PCDHGA3: variants seen among roughly 807,000 people sequenced by gnomAD.
PCDHGA3 encodes protocadherin gamma subfamily A, 3, also known as protocadherin gamma-A3.
PCDHGA3 carries 40 observed loss-of-function variants against 58.5 expected under a neutral mutation model. The observed-to-expected ratio is 0.68, with a 90% confidence interval of 0.53 to 0.89. The LOEUF (loss-of-function observed/expected upper bound fraction) is 0.89, where lower values mean the gene tolerates loss of function less well. PCDHGA3 is among the 40% of genes least tolerant of loss of function. The pLI is 0.00. For missense variants in PCDHGA3, 1,223 were observed against 1,195.9 expected, an observed-to-expected ratio of 1.02 and a Z score of -0.33; for synonymous variants, 530 against 525.7, an observed-to-expected ratio of 1.01 and a Z score of -0.11.
intron 1 of PCDHGA3, chr5:141,376,742 A>C (rs1191231453): frequency 2.1e-6 from 1 of 487,580 alleles, no homozygotes; most frequent in Non-Finnish European, 3.5e-6. Flanking sequence ...TGCGGACTGC[A>C]GTGGCGCAAT....
At position 141,431,427 on chromosome 5, in the gene PCDHGA3, C is replaced by G. The variant is rs1269666597; in HGVS notation, c.2425-63380C>G. The stretch of plus-strand genomic sequence containing the variant: ...TCCGACGGGGGCGACCCGGTGCGCA[C>G]AGGCACCGCGCGCATCCGCGTGATG... On this transcript the variant is annotated intron_variant, in intron 1 of 3. Transcript: ENST00000253812. The surrounding 1 kb of genome is among the most constrained non-coding windows in gnomAD (Gnocchi z 4.8). 1.2e-6 allele frequency: 2 copies of G among 1,613,584 alleles called. No homozygotes were observed.
At chr5:141,409,011 A>T in intron 1 of PCDHGA3, 1 of 1,613,974 alleles carries the variant, frequency 6.2e-7, no homozygotes, top group Non-Finnish European at 8.5e-7. Context: ...ACTGACCAGG[A>T]TGAGGGGGTC....
At position 141,368,171 on chromosome 5, in the gene PCDHGA3, A is replaced by T. The variant is rs143914194; in HGVS notation, c.2424+21714A>T. ...TTTAAAACCTTGAGCATCAGCTTCAAATAATGACTAAATAAGGGGAAAAGG... is the reference window on the plus strand; with the variant it reads ...TTTAAAACCTTGAGCATCAGCTTCATATAATGACTAAATAAGGGGAAAAGG... On this transcript the variant is annotated intron_variant, in intron 1 of 3. Coordinates refer to ENST00000253812, the MANE Select transcript of PCDHGA3 (RefSeq NM_018916.4). Among the ~76,000 whole-genome samples the T allele has an allele frequency of 3.1e-4, 47 of 152,352 alleles. No homozygotes were observed. In the East Asian group the frequency reaches 8.3e-3, roughly 27 times the overall value.
intron 1 of PCDHGA3, chr5:141,414,552 C>G: frequency 6.2e-7 from 1 of 1,613,984 alleles, no homozygotes; most frequent in Non-Finnish European, 8.5e-7. Context: ...TCTCTCAAGT[C>G]TCCTACTTTA....
chr5:141,465,836 A>G (rs974075792), intron 1 of PCDHGA3, among the ~76,000 whole-genome samples: 1 of 151,774 alleles, frequency 6.6e-6, no homozygotes, highest in East Asian at 1.9e-4. Context: ...TAAAATTTCA[A>G]CTGAGGCTGG....
At chr5:141,366,360 G>C in intron 1 of PCDHGA3, 4 of 1,614,024 alleles carry the variant, frequency 2.5e-6, no homozygotes, top group Non-Finnish European at 3.4e-6. Flanking sequence ...GACCTAGGCA[G>C]TATCAAGACC....
At chr5:141,405,567 G>A in intron 1 of PCDHGA3, 2 of 608,222 alleles carry the variant, frequency 3.3e-6, no homozygotes, top group Non-Finnish European at 5.8e-6. Context: ...TGGGACTAGA[G>A]TAGAGTAGCT....
At chr5:141,473,682 G>A (rs2099326903) in intron 1 of PCDHGA3, among the ~76,000 whole-genome samples, 1 of 152,186 alleles carries the variant, frequency 6.6e-6, no homozygotes, top group Admixed American at 6.5e-5. Context: ...GGGAAGGGCT[G>A]GGGTTCTGAC....
At chr5:141,379,815 T>C (rs1489145506) in intron 1 of PCDHGA3, among the ~76,000 whole-genome samples, 2 of 150,388 alleles carry the variant, frequency 1.3e-5, no homozygotes, top group South Asian at 2.1e-4. Context: ...GAGTTCAGTA[T>C]AGAATTTTGA....
At chr5:141,510,321 CA>C (rs1376271166) in intron 3 of PCDHGA3, among the ~76,000 whole-genome samples, 1 of 150,840 alleles carries the variant, frequency 6.6e-6, no homozygotes, top group Non-Finnish European at 1.5e-5. Context: ...CTTGGAAGAG[CA>C]CTCTTCACCC....
Position 141,384,817 on chromosome 5 carries a change from C to T in PCDHGA3, c.2424+38360C>T, listed in dbSNP as rs373370095. On this transcript the variant is annotated intron_variant, in intron 1 of 3. Coordinates refer to ENST00000253812, the MANE Select transcript of PCDHGA3 (RefSeq NM_018916.4). Reference sequence around the variant, plus strand: ...CCTGCTGGACAGAGATGCCCTCAAGCAGAGCCTCGTGGTGGCCGTCCAGGA... The same window carrying T: ...CCTGCTGGACAGAGATGCCCTCAAGTAGAGCCTCGTGGTGGCCGTCCAGGA... 4.3e-6 allele frequency: 7 copies of T among 1,613,298 alleles called. No homozygotes were observed. In the African/African-American group the frequency reaches 5.3e-5, roughly 12 times the overall value.
At position 141,512,903 on chromosome 5, in the gene PCDHGA3, CAA is replaced by C. The variant is rs2099884494; in HGVS notation, c.*1731_*1732del. The C allele has an allele frequency of 6.6e-6, 1 of 152,224 alleles. No individual in the cohort carries two copies. Among genetic ancestry groups the C allele is most frequent in the African/African-American group, 2.4e-5 (1 of 41,452 alleles). 9.4% of individuals were successfully genotyped at this position (152,224 alleles called of 1,614,324 possible). On this transcript the variant is annotated 3_prime_UTR_variant, in exon 4 of 4. Transcript: ENST00000253812. ...CCCCACCCTCTTCCTGTGTCTCACG[CAA>C]GTTTTATACTCTAATATTTATATGG...
rs755706235 is a variant in PCDHGA3 at position 141,476,450 on chromosome 5, G to A, written c.2425-18357G>A. ...TTGCACTGTAACTCTGGAGTTGGTA[G>A]TGGAGAACCCGCTGGAGCTGTTCAG... On this transcript the variant is annotated intron_variant, in intron 1 of 3. Transcript: ENST00000253812. The surrounding 1 kb of genome is among the most constrained non-coding windows in gnomAD (Gnocchi z 7.6). The A allele has an allele frequency of 6.2e-7, 1 of 1,614,180 alleles. No individual in the cohort carries two copies. The highest frequency in any genetic ancestry group is 8.5e-7 in the Non-Finnish European group (1 of 1,180,040).
At chr5:141,418,310 G>C (rs778649723) in intron 1 of PCDHGA3, 2 of 1,613,990 alleles carry the variant, frequency 1.2e-6, no homozygotes, top group Non-Finnish European at 1.7e-6. Context: ...CCTGGGGATG[G>C]GAACAATTCT....
At chr5:141,374,716 C>A (rs752741869) in intron 1 of PCDHGA3, 3 of 1,609,798 alleles carry the variant, frequency 1.9e-6, no homozygotes, top group African/African-American at 1.3e-5. Context: ...ACCGCCTGGT[C>A]CTTACTGCCA....
Position 141,431,547 on chromosome 5 carries a change from T to C in PCDHGA3, c.2425-63260T>C. On this transcript the variant is annotated intron_variant, in intron 1 of 3. Transcript: ENST00000253812. The surrounding 1 kb of genome is among the most constrained non-coding windows in gnomAD (Gnocchi z 4.8). ...CTGGCCTTGGGCACGCAGCTGCTTG[T>C]AGTCAACGCTACCGACCCTGACGAA... The C allele has an allele frequency of 1.2e-6, 2 of 1,614,096 alleles. No homozygotes were observed. The highest frequency in any genetic ancestry group is 2.2e-5 in the East Asian group (1 of 44,882).
intron 1 of PCDHGA3, chr5:141,364,177 C>T (rs1432921471): frequency 3.5e-6 from 3 of 848,492 alleles, no homozygotes; most frequent in East Asian, 3.0e-5. Context: ...GACTCTGCTC[C>T]CTCCATACTA....
chr5:141,360,603 A>G, intron 1 of PCDHGA3: 1 of 1,614,056 alleles, frequency 6.2e-7, no homozygotes, highest in Non-Finnish European at 8.5e-7. Flanking sequence ...CACTTGACCC[A>G]GCCCTGGATT....
chr5:141,437,307 G>A (rs1172152732), intron 1 of PCDHGA3, among the ~76,000 whole-genome samples: 7 of 152,120 alleles, frequency 4.6e-5, no homozygotes, highest in South Asian at 2.1e-4. Context: ...AAGTTAAAGC[G>A]TTCAGCTATA....
Sources: gnomAD v4.1 joint callset for allele counts (sites outside exome capture counted in the v4.1 genomes callset) on GRCh38, gnomAD v4.1.1 for gene constraint, Gnocchi (gnomAD v3.1) non-coding constraint, MANE v1.5 for transcripts, NCBI Gene and HGNC (gene_info 2026-07-23, HGNC 2026-07-21) for gene names.